SRRM3: variants seen among roughly 807,000 people sequenced by gnomAD.
SRRM3 encodes the protein serine/arginine repetitive matrix 3.
Under a neutral mutation model 66.2 loss-of-function variants are expected in SRRM3, and 27 were observed. That is an observed-to-expected ratio of 0.41 (90% CI 0.30 to 0.56). The LOEUF is 0.56. Among genes scored for constraint, SRRM3 ranks in the 20% least tolerant of loss-of-function variants. The pLI, the probability that SRRM3 is intolerant of heterozygous loss-of-function variation, is 0.32. For missense variants in SRRM3, 918 were observed against 991.9 expected (o/e 0.93, Z 1.00); for synonymous variants, 391 against 414.9 (o/e 0.94, Z 0.70).
At chr7:76,253,067 G>C (rs1012716032) in intron 3 of SRRM3, among the ~76,000 whole-genome samples, 1 of 152,106 alleles carries the variant, frequency 6.6e-6, no homozygotes, top group Non-Finnish European at 1.5e-5. Flanking sequence ...AGGAGGCTGA[G>C]GCACAAGAAT....
chr7:76,239,635 C>T lies in SRRM3; in HGVS notation c.233+4336C>T, dbSNP rs139372603. On this transcript the variant is annotated intron_variant, in intron 2 of 14. Coordinates refer to ENST00000611745, the MANE Select transcript of SRRM3 (RefSeq NM_001110199.3). Reference sequence around the variant, plus strand: ...AGAGGATTACTTAAGCCTGAGAAGTCGAGGCTGCAGCGAGCTATGATTGCA... The same window carrying T: ...AGAGGATTACTTAAGCCTGAGAAGTTGAGGCTGCAGCGAGCTATGATTGCA... 1.3e-3 allele frequency among the ~76,000 whole-genome samples: 199 copies of T among 151,888 alleles called. 9 individuals carry two copies. The South Asian group carries it at 0.037, about 28-fold the overall frequency.
At chr7:76,266,230 T>TATATTATATTATA (rs1554609580) in intron 10 of SRRM3, among the ~76,000 whole-genome samples, 2 of 80,896 alleles carry the variant, frequency 2.5e-5, no homozygotes, top group African/African-American at 1.5e-4. Context: ...ATTTATATAT[T>TATATTATATTATA]TAATATATAT....
At chr7:76,217,067 C>G (rs115447933) in intron 1 of SRRM3, among the ~76,000 whole-genome samples, 1,887 of 152,252 alleles carry the variant, frequency 0.012, 41 homozygotes, top group African/African-American at 0.041. Context: ...TGGAAGGGGC[C>G]GGACTGTCTG....
intron 11 of SRRM3, among the ~76,000 whole-genome samples, chr7:76,276,403 A>C (rs1471085528): frequency 6.6e-6 from 1 of 152,152 alleles, no homozygotes; most frequent in Non-Finnish European, 1.5e-5. Context: ...GCTCCTGCTC[A>C]CCACGGCAGC....
chr7:76,221,439 T>G (rs1241337162), intron 1 of SRRM3, among the ~76,000 whole-genome samples: 1 of 144,358 alleles, frequency 6.9e-6, no homozygotes, highest in Non-Finnish European at 1.5e-5. Flanking sequence ...CTCAGCTCAC[T>G]GCAAGCTCTG....
At chr7:76,223,853 TTCCCTTC>T (rs1800782772) in intron 1 of SRRM3, among the ~76,000 whole-genome samples, 1 of 81,088 alleles carries the variant, frequency 1.2e-5, no homozygotes, top group South Asian at 5.5e-4. Context: ...TTCCCTTCCC[TTCCCTTC>T]CCTTCCCTTC....
intron 1 of SRRM3, among the ~76,000 whole-genome samples, chr7:76,205,458 C>T (rs947102169): frequency 1.3e-4 from 20 of 152,204 alleles, no homozygotes; most frequent in Non-Finnish European, 7.3e-5. Flanking sequence ...GATCCGCCTG[C>T]CTCAGCCTCC....
chr7:76,219,246 G>A lies in SRRM3; in HGVS notation c.-39-15782G>A, dbSNP rs536486577. Among the ~76,000 whole-genome samples, 4 of 152,320 alleles carry A rather than the reference G, an allele frequency of 2.6e-5. No homozygotes were observed. In the East Asian group the frequency reaches 7.7e-4, roughly 29 times the overall value. The stretch of plus-strand genomic sequence containing the variant: ...CCCACTGTCCTCTGTTGATCAGTCG[G>A]TCTGAGCTCCTGGCTTGGCTGGGTC... On this transcript the variant is annotated intron_variant, in intron 1 of 14. Coordinates refer to ENST00000611745, the MANE Select transcript of SRRM3 (RefSeq NM_001110199.3).
chr7:76,237,099 C>G (rs1801171643), intron 2 of SRRM3, among the ~76,000 whole-genome samples: 1 of 152,084 alleles, frequency 6.6e-6, no homozygotes, highest in African/African-American at 2.4e-5. Flanking sequence ...AACCCCATCT[C>G]TACTAGTAAT....
chr7:76,243,130 C>G (rs1583900991), intron 2 of SRRM3, among the ~76,000 whole-genome samples: 1 of 152,160 alleles, frequency 6.6e-6, no homozygotes, highest in African/African-American at 2.4e-5. Context: ...GGACTAATAT[C>G]CAGATGACAA....
intron 2 of SRRM3, 27 bp downstream of exon 2, chr7:76,235,326 G>T: frequency 6.8e-7 from 1 of 1,468,340 alleles, no homozygotes; most frequent in Non-Finnish European, 9.0e-7. Flanking sequence ...GCGGGACTGG[G>T]GTGGGGAGAT....
Position 76,255,148 on chromosome 7 carries a change from C to CTTTTTTTTTTTTTTTTTTT in SRRM3, c.336-4757_336-4739dup, listed in dbSNP as rs57880700. Among the ~76,000 whole-genome samples the CTTTTTTTTTTTTTTTTTTT allele has an allele frequency of 1.2e-4, 10 of 83,178 alleles. 1 individual carries two copies. The highest frequency in any genetic ancestry group is 1.6e-4 in the Non-Finnish European group (8 of 50,336). The allele number at this position is 83,178 out of a possible 152,430, so 54.6% of individuals were successfully genotyped here. A position where few individuals can be genotyped will look rare whatever the true frequency, so the allele number is the denominator to read the frequency against. ...CTTTTCTTTCTTTCTTTCTTTCTTT[C>CTTTTTTTTTTTTTTTTTTT]TTTTTTTTTTTTTTTTTTTGAGATG... On this transcript the variant is annotated intron_variant, in intron 3 of 14. Coordinates refer to ENST00000611745, the MANE Select transcript of SRRM3 (RefSeq NM_001110199.3).
At chr7:76,283,381 G>T in intron 14 of SRRM3, 1 of 547,424 alleles carries the variant, frequency 1.8e-6, no homozygotes. Flanking sequence ...TGAAGGGGAG[G>T]GGGCTCTGTA....
chr7:76,215,964 ATTT>A (rs544399520), intron 1 of SRRM3, among the ~76,000 whole-genome samples: 1 of 137,474 alleles, frequency 7.3e-6, no homozygotes, highest in Admixed American at 7.3e-5. Flanking sequence ...CGCCCAGCTA[ATTT>A]TTTTTTTTTT....
At chr7:76,265,307 G>A in intron 9 of SRRM3, 57 bp from the exon 10 acceptor site, 2 of 1,370,270 alleles carry the variant, frequency 1.5e-6, no homozygotes, top group South Asian at 1.3e-5. Flanking sequence ...CTTGGGGGCT[G>A]GGGGGATCAC....
intron 1 of SRRM3, among the ~76,000 whole-genome samples, chr7:76,231,166 G>A (rs1172586388): frequency 6.6e-6 from 1 of 152,084 alleles, no homozygotes; most frequent in Non-Finnish European, 1.5e-5. Context: ...GAAGGAAATG[G>A]GCTTAGTGTG....
rs1554612146 is a variant in SRRM3 at position 76,282,744 on chromosome 7, G to C, written c.1467G>C (p.Ser489=). 6.8e-7 allele frequency: 1 copy of C among 1,460,036 alleles called. No homozygotes were observed. Among genetic ancestry groups the C allele is most frequent in the African/African-American group, 1.5e-5 (1 of 67,836 alleles). 90.4% of individuals were successfully genotyped at this position (1,460,036 alleles called of 1,614,324 possible). A position where few individuals can be genotyped will look rare whatever the true frequency, so the allele number is the denominator to read the frequency against. Residue 489 remains serine (S), a synonymous_variant, in exon 13 of 15, where the codon TCG becomes TCC. Transcript: ENST00000611745. The stretch of plus-strand genomic sequence containing the variant: ...GCGGCCCAGAAGGGAAGAGCTCGTC[G>C]CGCAGCCCCGGCCCGCACCCCCGCT... ...RRGGPEGKSS[S]RSPGPHPRSW... is the part of the protein sequence containing the mutation.
intron 14 of SRRM3, among the ~76,000 whole-genome samples, chr7:76,284,553 T>C (rs1554612496): frequency 6.6e-6 from 1 of 152,130 alleles, no homozygotes; most frequent in Non-Finnish European, 1.5e-5. Flanking sequence ...AAGAGCCATT[T>C]TGAACCCAGG....
At chr7:76,220,602 T>G (rs1800684538) in intron 1 of SRRM3, among the ~76,000 whole-genome samples, 1 of 152,142 alleles carries the variant, frequency 6.6e-6, no homozygotes, top group African/African-American at 2.4e-5. Context: ...CAGCACAGAC[T>G]GAGACGGCAG....
Sources: gnomAD v4.1 joint callset for allele counts (sites outside exome capture counted in the v4.1 genomes callset) on GRCh38, gnomAD v4.1.1 for gene constraint, MANE v1.5 for transcripts, NCBI Gene and HGNC (gene_info 2026-07-23, HGNC 2026-07-21) for gene names.